PAPSS2: variants seen among roughly 807,000 people sequenced by gnomAD.
PAPSS2 encodes the protein bifunctional 3'-phosphoadenosine 5'-phosphosulfate synthase 2.
A neutral mutation model predicts 66.5 loss-of-function variants in PAPSS2; 61 were observed. The observed-to-expected ratio is 0.92, with a 90% confidence interval of 0.75 to 1.14. The LOEUF is 1.14. PAPSS2 is among the 50% of genes most tolerant of loss of function. The pLI is 0.00. For synonymous variants in PAPSS2, 289 were observed against 287.5 expected (o/e 1.01, Z -0.05); for missense variants, 708 against 789.6 (o/e 0.90, Z 1.24).
intron 1 of PAPSS2, among the ~76,000 whole-genome samples, chr10:87,665,236 G>C (rs893959961): frequency 1.3e-5 from 2 of 150,934 alleles, no homozygotes; most frequent in African/African-American, 4.9e-5. Flanking sequence ...TTTGGAGACA[G>C]AGTCTCGCAC....
At position 87,741,232 on chromosome 10, in the gene PAPSS2, T is replaced by TA; in HGVS notation, c.1087-2dup. 1 of 1,613,666 alleles carries TA rather than the reference T, an allele frequency of 6.2e-7. No individual in the cohort carries two copies. The highest frequency in any genetic ancestry group is 8.5e-7 in the Non-Finnish European group (1 of 1,179,598). The stretch of plus-strand genomic sequence containing the variant: ...TTAGCAATCATAACAATGTTCTTTC[T>TA]AGATGGTGATGGAAAGTGGGGACTG... On this transcript the variant is annotated splice_region_variant and splice_polypyrimidine_tract_variant and intron_variant, in intron 9 of 12. Coordinates refer to ENST00000456849, the MANE Select transcript of PAPSS2 (RefSeq NM_001015880.2).
intron 1 of PAPSS2, among the ~76,000 whole-genome samples, chr10:87,670,576 G>GCACACACACACACA (rs3221014): frequency 6.7e-6 from 1 of 149,734 alleles, no homozygotes; most frequent in East Asian, 2.0e-4. Flanking sequence ...AAAAGATGGA[G>GCACACACACACACA]CACACACACA....
intron 1 of PAPSS2, among the ~76,000 whole-genome samples, chr10:87,665,372 C>T (rs563282999): frequency 7.8e-4 from 118 of 152,236 alleles, no homozygotes; most frequent in African/African-American, 9.6e-4. Flanking sequence ...CCACCACGCC[C>T]GGCTAACTTT....
intron 1 of PAPSS2, among the ~76,000 whole-genome samples, chr10:87,705,606 T>C (rs1373250062): frequency 1.3e-5 from 2 of 152,234 alleles, no homozygotes; most frequent in Admixed American, 6.5e-5. Flanking sequence ...AGTTTTAATT[T>C]GCATTCTTCT....
intron 1 of PAPSS2, among the ~76,000 whole-genome samples, chr10:87,704,786 C>T (rs1329795266): frequency 3.3e-5 from 5 of 152,138 alleles, no homozygotes; most frequent in Non-Finnish European, 5.9e-5. Context: ...GGATTACAGG[C>T]ATGCGCCACC....
intron 9 of PAPSS2, among the ~76,000 whole-genome samples, chr10:87,740,025 A>AT (rs1427111987): frequency 3.3e-5 from 5 of 152,034 alleles, no homozygotes; most frequent in South Asian, 2.1e-4. Flanking sequence ...ACTAGCCACT[A>AT]TTTTTTTTCA....
chr10:87,673,689 C>CATTTTTTTTTTTTTTTTTTTTTTTT (rs749811014), intron 1 of PAPSS2, among the ~76,000 whole-genome samples: 1 of 67,424 alleles, frequency 1.5e-5, no homozygotes, highest in Non-Finnish European at 2.9e-5. Flanking sequence ...TTTTGGCTTA[C>CATTTTTTTTTTTTTTTTTTTTTTTT]TTTTTTTTTT....
At chr10:87,734,694 T>C (rs1005128055) in intron 9 of PAPSS2, among the ~76,000 whole-genome samples, 12 of 139,110 alleles carry the variant, frequency 8.6e-5, no homozygotes, top group African/African-American at 1.1e-4. Flanking sequence ...TATATATATA[T>C]ATATATATAT....
At chr10:87,670,396 T>A (rs1852861446) in intron 1 of PAPSS2, among the ~76,000 whole-genome samples, 1 of 152,168 alleles carries the variant, frequency 6.6e-6, no homozygotes, top group Non-Finnish European at 1.5e-5. Context: ...CTAGAAATCA[T>A]GGGATTGTAA....
Position 87,714,060 on chromosome 10 carries a change from G to T in PAPSS2, c.398G>T (p.Arg133Leu), listed in dbSNP as rs756272517. Reference sequence around the variant, plus strand: ...GCTTTTCAGGATCGTGAGAATGCCCGCAAAATACATGAATCAGCAGGGCTG... The same window carrying T: ...GCTTTTCAGGATCGTGAGAATGCCCTCAAAATACATGAATCAGCAGGGCTG... The part of the protein sequence containing the change: ...SPFAKDRENA[R>L]KIHESAGLPF... Residue 133 changes from arginine (R) to leucine (L), a missense_variant, in exon 4 of 13, where the codon CGC becomes CTC. Coordinates refer to ENST00000456849, the MANE Select transcript of PAPSS2 (RefSeq NM_001015880.2). 7 of 1,613,770 alleles carry T rather than the reference G, an allele frequency of 4.3e-6. No homozygotes were observed. The East Asian group carries it at 8.9e-5, about 21-fold the overall frequency.
At chr10:87,685,305 T>G (rs1853074037) in intron 1 of PAPSS2, among the ~76,000 whole-genome samples, 1 of 152,230 alleles carries the variant, frequency 6.6e-6, no homozygotes, top group South Asian at 2.1e-4. Flanking sequence ...TTTGTTTTGC[T>G]TTTCCTGTAT....
chr10:87,682,838 A>T (rs1400767579), intron 1 of PAPSS2, among the ~76,000 whole-genome samples: 1 of 152,142 alleles, frequency 6.6e-6, no homozygotes, highest in Non-Finnish European at 1.5e-5. Context: ...GAGACCTTCC[A>T]AGGCAGAGCA....
At position 87,746,417 on chromosome 10, in the gene PAPSS2, T is replaced by G. The variant is rs537566556; in HGVS notation, c.*447T>G. The G allele has an allele frequency of 6.6e-6, 1 of 151,288 alleles. No individual in the cohort carries two copies. Among genetic ancestry groups the G allele is most frequent in the East Asian group, 1.9e-4 (1 of 5,254 alleles). 9.4% of individuals were successfully genotyped at this position (151,288 alleles called of 1,614,324 possible). A position where few individuals can be genotyped will look rare whatever the true frequency, so the allele number is the denominator to read the frequency against. On this transcript the variant is annotated 3_prime_UTR_variant, in exon 13 of 13. Transcript: ENST00000456849. ...TCTGTACAATTGACAAAAAAAAAAATTTTTTTTTCTCACTCTAAAAGAGGT... is the reference window on the plus strand; with the variant it reads ...TCTGTACAATTGACAAAAAAAAAAAGTTTTTTTTCTCACTCTAAAAGAGGT...
At chr10:87,665,709 G>GTA (rs1171212905) in intron 1 of PAPSS2, among the ~76,000 whole-genome samples, 5 of 152,158 alleles carry the variant, frequency 3.3e-5, no homozygotes, top group Non-Finnish European at 7.3e-5. Flanking sequence ...TTAGAGTGTA[G>GTA]GGTTTAGGAG....
intron 1 of PAPSS2, among the ~76,000 whole-genome samples, chr10:87,706,760 A>T (rs1387549319): frequency 6.6e-6 from 1 of 151,748 alleles, no homozygotes; most frequent in Non-Finnish European, 1.5e-5. Flanking sequence ...CCCTGTCTCA[A>T]ACAACAACAA....
chr10:87,663,106 CTT>C (rs1184871976), intron 1 of PAPSS2, among the ~76,000 whole-genome samples: 8 of 67,618 alleles, frequency 1.2e-4, no homozygotes, highest in African/African-American at 3.9e-4. Flanking sequence ...GAAGTAGCCA[CTT>C]TTTTTTTTTT....
intron 1 of PAPSS2, among the ~76,000 whole-genome samples, chr10:87,708,110 C>T (rs897036310): frequency 6.6e-6 from 1 of 152,108 alleles, no homozygotes; most frequent in Non-Finnish European, 1.5e-5. Context: ...TTAAGTCCAC[C>T]AAAAACTGTA....
chr10:87,720,179 C>T (rs559642888), intron 7 of PAPSS2, among the ~76,000 whole-genome samples: 47 of 152,202 alleles, frequency 3.1e-4, no homozygotes, highest in Non-Finnish European at 1.3e-4. Flanking sequence ...AGCCGCTGCA[C>T]GCAGCCGAAA....
At chr10:87,675,003 T>C (rs887083384) in intron 1 of PAPSS2, among the ~76,000 whole-genome samples, 3 of 152,138 alleles carry the variant, frequency 2.0e-5, no homozygotes, top group Non-Finnish European at 4.4e-5. Context: ...TTTCAAGGAG[T>C]TACAGACTCC....
Sources: allele counts gnomAD v4.1 joint callset (sites outside exome capture counted in the v4.1 genomes callset), GRCh38; gene constraint gnomAD v4.1.1; transcripts MANE v1.5; gene names NCBI Gene and HGNC (gene_info 2026-07-23, HGNC 2026-07-21).